Variants in FRMPD2 observed in about 807,000 individuals in gnomAD.
FRMPD2 encodes FERM and PDZ domain-containing protein 2.
Under a neutral mutation model 140.1 loss-of-function variants are expected in FRMPD2, and 96 were observed. The observed-to-expected ratio is 0.69, with a 90% confidence interval of 0.58 to 0.81. The LOEUF is 0.81. Among genes scored for constraint, FRMPD2 ranks in the 40% least tolerant of loss-of-function variants. The pLI is 0.00. For synonymous variants in FRMPD2, 449 were observed against 547.6 expected (o/e 0.82, Z 2.52); for missense variants, 1,240 against 1,447.4 (o/e 0.86, Z 2.32).
At chr10:48,223,842 C>T (rs1227165876) in intron 10 of FRMPD2, among the ~76,000 whole-genome samples, 1 of 152,182 alleles carries the variant, frequency 6.6e-6, no homozygotes, top group Non-Finnish European at 1.5e-5. Flanking sequence ...AGGAGGAAGA[C>T]ACCAGAGCTT....
chr10:48,206,666 C>A, intron 14 of FRMPD2, 82 bp downstream of exon 14: 1 of 1,127,922 alleles, frequency 8.9e-7, no homozygotes, highest in Non-Finnish European at 1.3e-6. Flanking sequence ...GCCACATGAC[C>A]CATGACCCAC....
chr10:48,181,816 G>A (rs1309599935), intron 20 of FRMPD2, among the ~76,000 whole-genome samples: 1 of 134,296 alleles, frequency 7.4e-6, no homozygotes, highest in African/African-American at 2.8e-5. Context: ...TGTTAAGAAA[G>A]ATAAAAATAT....
chr10:48,227,698 A>C (rs779438971), intron 10 of FRMPD2, among the ~76,000 whole-genome samples: 2 of 152,226 alleles, frequency 1.3e-5, no homozygotes, highest in African/African-American at 2.4e-5. Context: ...GTATTTTTAG[A>C]GAGCCCTCAT....
chr10:48,268,568 A>T (rs1297505887), intron 1 of FRMPD2, among the ~76,000 whole-genome samples: 1 of 152,264 alleles, frequency 6.6e-6, no homozygotes, highest in Non-Finnish European at 1.5e-5. Flanking sequence ...AATACTACTC[A>T]GCAATAAAGA....
intron 10 of FRMPD2, among the ~76,000 whole-genome samples, chr10:48,231,737 T>G (rs575423441): frequency 6.6e-6 from 1 of 152,226 alleles, no homozygotes; most frequent in Admixed American, 6.5e-5. Context: ...ACCCTTTTTC[T>G]TGGATATTTA....
In FRMPD2 at chr10:48,239,676, C is replaced by T. The variant is rs753784936; in HGVS notation, c.717G>A (p.Thr239=). 192 of 1,613,658 alleles carry T rather than the reference C, an allele frequency of 1.2e-4. No individual in the cohort carries two copies. Among genetic ancestry groups the T allele is most frequent in the Non-Finnish European group, 1.6e-4 (184 of 1,179,830 alleles). ...LHPCRVSERS[T]ETQSSPEPHW... ...GGGGCTCTGGTGAGCTCTGGGTCTCCGTGCTTCTTTCTGAAACTAATCAAG... is the reference window on the plus strand; with the variant it reads ...GGGGCTCTGGTGAGCTCTGGGTCTCTGTGCTTCTTTCTGAAACTAATCAAG... The change falls in exon 7 of 29, where the codon ACG becomes ACA. Residue 239 remains threonine, a synonymous_variant. Coordinates refer to ENST00000374201, the MANE Select transcript of FRMPD2 (RefSeq NM_001018071.4).
intron 1 of FRMPD2, among the ~76,000 whole-genome samples, chr10:48,254,649 G>A (rs931372272): frequency 6.6e-5 from 10 of 152,186 alleles, no homozygotes; most frequent in Non-Finnish European, 1.3e-4. Context: ...TTTACTGTAC[G>A]CCAGGCACTG....
At chr10:48,236,307 C>T (rs1839965657) in intron 9 of FRMPD2, among the ~76,000 whole-genome samples, 175 bp downstream of exon 9, 1 of 152,094 alleles carries the variant, frequency 6.6e-6, no homozygotes, top group South Asian at 2.1e-4. Flanking sequence ...CTTTAACAGG[C>T]TGAAGGGAAA....
At chr10:48,161,715 A>T (rs2132386827) in intron 28 of FRMPD2, among the ~76,000 whole-genome samples, 1 of 151,624 alleles carries the variant, frequency 6.6e-6, no homozygotes, top group Middle Eastern at 3.4e-3. Flanking sequence ...ATTCAAGCAA[A>T]AGCTGGGACC....
At chr10:48,260,363 T>G (rs1840563990) in intron 1 of FRMPD2, among the ~76,000 whole-genome samples, 1 of 152,144 alleles carries the variant, frequency 6.6e-6, no homozygotes, top group African/African-American at 2.4e-5. Flanking sequence ...GCCAATGATG[T>G]AAATCCCAGT....
intron 16 of FRMPD2, among the ~76,000 whole-genome samples, chr10:48,191,801 G>C (rs1009168889): frequency 6.6e-6 from 1 of 152,054 alleles, no homozygotes; most frequent in African/African-American, 2.4e-5. Context: ...TTTATGAATC[G>C]TTTTGTCATG....
intron 1 of FRMPD2, among the ~76,000 whole-genome samples, chr10:48,266,221 G>A (rs1840675825): frequency 1.3e-5 from 2 of 152,038 alleles, no homozygotes; most frequent in Admixed American, 1.3e-4. Context: ...ACTTGAGGAT[G>A]AAGACTGAGA....
At chr10:48,252,918 T>A (rs186472963) in intron 1 of FRMPD2, among the ~76,000 whole-genome samples, 1 of 152,322 alleles carries the variant, frequency 6.6e-6, no homozygotes, top group East Asian at 1.9e-4. Flanking sequence ...TCTTTCGTTT[T>A]TTTATCTCTC....
intron 1 of FRMPD2, among the ~76,000 whole-genome samples, chr10:48,268,078 A>G (rs529523991): frequency 6.6e-6 from 1 of 152,376 alleles, no homozygotes; most frequent in African/African-American, 2.4e-5. Flanking sequence ...AGCAAATGGC[A>G]TGGAAAGACA....
At chr10:48,160,336 G>T (rs1837902272) in intron 28 of FRMPD2, among the ~76,000 whole-genome samples, 1 of 151,684 alleles carries the variant, frequency 6.6e-6, no homozygotes, top group African/African-American at 2.4e-5. Context: ...GATTTGCTGT[G>T]GTGCTGGCAG....
Position 48,240,622 on chromosome 10 carries a change from G to A in FRMPD2, c.568-130C>T, listed in dbSNP as rs1840085820. 7 of 1,270,198 alleles carry A rather than the reference G, an allele frequency of 5.5e-6. No homozygotes were observed. In the Admixed American group the frequency reaches 1.4e-4, roughly 26 times the overall value. 78.7% of individuals were successfully genotyped at this position (1,270,198 alleles called of 1,614,324 possible). On this transcript the variant is annotated intron_variant, in intron 5 of 28. Coordinates refer to ENST00000374201, the MANE Select transcript of FRMPD2 (RefSeq NM_001018071.4). ...GCCCTATACGGTGACCTAAAGATGT[G>A]TTCTCTGGCACCCAGAATGTGCTCT... is the stretch of plus-strand genomic sequence containing the variant.
chr10:48,251,506 T>C, intron 2 of FRMPD2, 60 bp downstream of exon 2: 2 of 1,600,606 alleles, frequency 1.2e-6, no homozygotes, highest in Non-Finnish European at 1.7e-6. Context: ...GAACTGTGTT[T>C]GTGTGGGAAG....
At chr10:48,232,060 T>C (rs1839859460) in intron 10 of FRMPD2, 55 bp downstream of exon 10, 3 of 1,528,876 alleles carry the variant, frequency 2.0e-6, no homozygotes, top group East Asian at 4.5e-5. Context: ...GGTACCCAGA[T>C]ACCTGGGTTA....
chr10:48,218,317 C>T (rs1260066020), intron 12 of FRMPD2, among the ~76,000 whole-genome samples: 1 of 152,192 alleles, frequency 6.6e-6, no homozygotes, highest in Non-Finnish European at 1.5e-5. Context: ...TAAGGCCAGA[C>T]CCCGATGACG....
Sources: allele counts gnomAD v4.1 joint callset (sites outside exome capture counted in the v4.1 genomes callset), GRCh38; gene constraint gnomAD v4.1.1; transcripts MANE v1.5; gene names NCBI Gene and HGNC (gene_info 2026-07-23, HGNC 2026-07-21).